TSHZ2: variants seen among roughly 807,000 people sequenced by gnomAD.
TSHZ2 encodes the protein teashirt zinc finger homeobox 2.
Under a neutral mutation model 74.4 loss-of-function variants are expected in TSHZ2, and 21 were observed. The observed-to-expected ratio is 0.28, with a 90% CI of 0.20 to 0.41. The LOEUF is 0.41. Among genes scored for constraint, TSHZ2 ranks in the 10% least tolerant of loss-of-function variants. TSHZ2 has a pLI of 1.00. For synonymous variants in TSHZ2, 540 were observed against 515.3 expected (o/e 1.05, Z -0.65); for missense variants, 1,244 against 1,293.5 (o/e 0.96, Z 0.59).
At chr20:53,141,238 C>A (rs1404290383) in intron 1 of TSHZ2, among the ~76,000 whole-genome samples, 1 of 152,200 alleles carries the variant, frequency 6.6e-6, no homozygotes, top group Non-Finnish European at 1.5e-5. Context: ...CCACCCCAGG[C>A]CAGCAGCCAG....
intron 1 of TSHZ2, among the ~76,000 whole-genome samples, chr20:53,141,313 A>G (rs1415245998): frequency 6.6e-6 from 1 of 152,180 alleles, no homozygotes; most frequent in Non-Finnish European, 1.5e-5. Flanking sequence ...AGCCCAGGGC[A>G]TCATTAGTAT....
intron 1 of TSHZ2, among the ~76,000 whole-genome samples, chr20:53,180,163 A>G (rs1445927587): frequency 6.6e-6 from 1 of 152,222 alleles, no homozygotes; most frequent in East Asian, 1.9e-4. Flanking sequence ...AGATTGGGAG[A>G]AAGGGAGGGC....
At position 53,190,129 on chromosome 20, in the gene TSHZ2, A is replaced by T. The variant is rs1447251413; in HGVS notation, c.41-63370A>T. Among the ~76,000 whole-genome samples, 70 of 87,814 alleles carry T rather than the reference A, an allele frequency of 8.0e-4. 3 individuals are homozygous for T. Among genetic ancestry groups the T allele is most frequent in the African/African-American group, 3.2e-3 (67 of 20,634 alleles). The allele number at this position is 87,814 out of a possible 152,430, so 57.6% of individuals were successfully genotyped here. On this transcript the variant is annotated intron_variant, in intron 1 of 2. Transcript: ENST00000371497. The stretch of plus-strand genomic sequence containing the variant: ...TATATATATATATATATATATATAT[A>T]TATATATATTTTCTTAAATGCCTCT...
chr20:53,064,205 C>A (rs1443414355), intron 1 of TSHZ2, among the ~76,000 whole-genome samples: 2 of 152,028 alleles, frequency 1.3e-5, no homozygotes. Context: ...GGGGAAAAGA[C>A]CCAAAACATT....
At chr20:53,368,940 G>A (rs533280550) in intron 2 of TSHZ2, among the ~76,000 whole-genome samples, 42 of 152,284 alleles carry the variant, frequency 2.8e-4, no homozygotes, top group East Asian at 5.8e-4. Flanking sequence ...AACAAGGGCC[G>A]TAAGAAGAGC....
chr20:53,450,933 T>C (rs182379026), intron 2 of TSHZ2, among the ~76,000 whole-genome samples: 1 of 152,220 alleles, frequency 6.6e-6, no homozygotes, highest in East Asian at 1.9e-4. Flanking sequence ...TGTCCACTTT[T>C]CTCTACTTAA....
chr20:53,241,616 T>C (rs556694370), intron 1 of TSHZ2, among the ~76,000 whole-genome samples: 13 of 152,258 alleles, frequency 8.5e-5, no homozygotes, highest in African/African-American at 2.6e-4. Context: ...GAAATCCAGC[T>C]CCATAACATG....
chr20:53,413,959 T>A (rs1408848275), intron 2 of TSHZ2, among the ~76,000 whole-genome samples: 1 of 151,932 alleles, frequency 6.6e-6, no homozygotes, highest in Non-Finnish European at 1.5e-5. Context: ...CTGGGCAACA[T>A]GGCAAAACCC....
chr20:53,424,737 C>T (rs1340912032), intron 2 of TSHZ2, among the ~76,000 whole-genome samples: 9 of 152,116 alleles, frequency 5.9e-5, no homozygotes, highest in Admixed American at 2.6e-4. Context: ...CAGGCAGGCT[C>T]CAGTGTCTGT....
At chr20:53,139,933 C>T (rs1275662443) in intron 1 of TSHZ2, among the ~76,000 whole-genome samples, 1 of 152,134 alleles carries the variant, frequency 6.6e-6, no homozygotes, top group Non-Finnish European at 1.5e-5. Context: ...CTAATCCCAT[C>T]CTCTTTATGT....
intron 1 of TSHZ2, chr20:53,185,309 A>G (rs1416979712): frequency 2.8e-6 from 3 of 1,065,486 alleles, no homozygotes; most frequent in African/African-American, 3.3e-5. Context: ...CACACCCGAC[A>G]TGTAGGCTCT....
chr20:53,162,431 C>T (rs1293401), intron 1 of TSHZ2, among the ~76,000 whole-genome samples: 3 of 152,178 alleles, frequency 2.0e-5, no homozygotes, highest in African/African-American at 4.8e-5. Context: ...GTTGCCCACT[C>T]GCTTCCTCTT....
At chr20:53,379,859 T>C (rs1981794561) in intron 2 of TSHZ2, among the ~76,000 whole-genome samples, 1 of 152,188 alleles carries the variant, frequency 6.6e-6, no homozygotes, top group South Asian at 2.1e-4. Context: ...CCAAAGACTT[T>C]ATGATCTTAC....
chr20:53,114,942 CTTGGG>C (rs1986630339), intron 1 of TSHZ2, among the ~76,000 whole-genome samples: 1 of 152,094 alleles, frequency 6.6e-6, no homozygotes, highest in South Asian at 2.1e-4. Flanking sequence ...CAGGAAAAAA[CTTGGG>C]TTGGGTATCA....
intron 2 of TSHZ2, among the ~76,000 whole-genome samples, chr20:53,432,970 G>A (rs1983899460): frequency 6.6e-6 from 1 of 152,188 alleles, no homozygotes; most frequent in South Asian, 2.1e-4. Context: ...GTCTCTGTGA[G>A]TCTTTTGATC....
intron 1 of TSHZ2, among the ~76,000 whole-genome samples, chr20:53,153,282 G>A (rs1370011111): frequency 1.3e-5 from 2 of 152,186 alleles, no homozygotes; most frequent in Admixed American, 6.5e-5. Context: ...GAGCAGGACT[G>A]TTCCTGCAGT....
At chr20:53,237,699 A>G (rs1271642699) in intron 1 of TSHZ2, among the ~76,000 whole-genome samples, 3 of 152,156 alleles carry the variant, frequency 2.0e-5, no homozygotes, top group Non-Finnish European at 2.9e-5. Flanking sequence ...GTGATTTATC[A>G]TGTTATTATA....
intron 2 of TSHZ2, among the ~76,000 whole-genome samples, chr20:53,468,369 GA>G (rs1985623895): frequency 1.3e-5 from 2 of 152,108 alleles, no homozygotes; most frequent in African/African-American, 4.8e-5. Flanking sequence ...GTGCTTTATG[GA>G]AAAGATTTTC....
At chr20:53,288,035 A>AACTTGAGTCTTGAAG (rs1480476499) in intron 2 of TSHZ2, among the ~76,000 whole-genome samples, 1 of 152,184 alleles carries the variant, frequency 6.6e-6, no homozygotes, top group Non-Finnish European at 1.5e-5. Context: ...CCATAGAGGA[A>AACTTGAGTCTTGAAG]ACTTGAGTCT....
Sources: gnomAD v4.1 joint callset for allele counts (sites outside exome capture counted in the v4.1 genomes callset) on GRCh38, gnomAD v4.1.1 for gene constraint, MANE v1.5 for transcripts, NCBI Gene and HGNC (gene_info 2026-07-23, HGNC 2026-07-21) for gene names.